PDSS2: variants seen among roughly 807,000 people sequenced by gnomAD.
The protein encoded by PDSS2 is all trans-polyprenyl-diphosphate synthase PDSS2.
PDSS2 carries 31 observed loss-of-function variants against 44.5 expected under a neutral mutation model. The ratio of observed to expected loss-of-function variants is 0.70; its 90% CI spans 0.52 to 0.94. PDSS2 has a LOEUF of 0.94. Among genes scored for constraint, PDSS2 ranks in the 40% least tolerant of loss-of-function variants. The pLI is 0.00. For missense variants in PDSS2, 452 were observed against 482.2 expected, an observed-to-expected ratio of 0.94 and a Z score of 0.59; for synonymous variants, 157 against 180.3, an observed-to-expected ratio of 0.87 and a Z score of 1.03.
chr6:107,214,435 T>C (rs1203106334), intron 4 of PDSS2, among the ~76,000 whole-genome samples: 1 of 152,216 alleles, frequency 6.6e-6, no homozygotes, highest in African/African-American at 2.4e-5. Context: ...CTGTGCATTT[T>C]ATACTTACAA....
chr6:107,311,899 G>A (rs1467967751), intron 2 of PDSS2, among the ~76,000 whole-genome samples: 2 of 152,198 alleles, frequency 1.3e-5, no homozygotes, highest in East Asian at 3.8e-4. Flanking sequence ...TCTGTGCTCA[G>A]TACACAGTAA....
chr6:107,317,469 G>A (rs80240356), intron 2 of PDSS2, among the ~76,000 whole-genome samples: 1 of 152,124 alleles, frequency 6.6e-6, no homozygotes, highest in Admixed American at 6.5e-5. Flanking sequence ...CAGAAATAAA[G>A]GCTTCTTCTG....
In PDSS2 at chr6:107,193,808, TA is replaced by T; in HGVS notation, c.1041+13del. ...AATGTGTAAAATAGTACAGTATGTA[TA>T]AAATCTGCCTACCTTAGCATAGTCC... On this transcript the variant is annotated intron_variant, in intron 7 of 7. Coordinates refer to ENST00000369037, the MANE Select transcript of PDSS2 (RefSeq NM_020381.4). The T allele has an allele frequency of 1.3e-6, 2 of 1,487,664 alleles. No homozygotes were observed. Among genetic ancestry groups the T allele is most frequent in the Non-Finnish European group, 1.9e-6 (2 of 1,064,436 alleles). The allele number at this position is 1,487,664 out of a possible 1,614,324, so 92.2% of individuals were successfully genotyped here.
intron 1 of PDSS2, among the ~76,000 whole-genome samples, chr6:107,389,039 T>G (rs1214286327): frequency 6.6e-6 from 1 of 152,166 alleles, no homozygotes. Context: ...AAGTAAGGAA[T>G]AGAAAACATC....
At chr6:107,369,538 C>T (rs75678818) in intron 1 of PDSS2, among the ~76,000 whole-genome samples, 3,415 of 152,082 alleles carry the variant, frequency 0.022, 108 homozygotes, top group East Asian at 0.13. Context: ...ATTATAAATC[C>T]TCTAGAAAAA....
chr6:107,192,915 G>T (rs902196741), intron 7 of PDSS2, among the ~76,000 whole-genome samples: 1 of 152,164 alleles, frequency 6.6e-6, no homozygotes, highest in Non-Finnish European at 1.5e-5. Flanking sequence ...GCCCTTGAGG[G>T]TTTTGGTTGT....
intron 1 of PDSS2, among the ~76,000 whole-genome samples, chr6:107,433,270 A>C (rs1323331692): frequency 6.6e-6 from 1 of 151,250 alleles, no homozygotes; most frequent in Non-Finnish European, 1.5e-5. Context: ...AAAAAAAAAA[A>C]CCCTAAAATT....
At chr6:107,314,644 C>T (rs1355406782) in intron 2 of PDSS2, among the ~76,000 whole-genome samples, 1 of 152,208 alleles carries the variant, frequency 6.6e-6, no homozygotes, top group Non-Finnish European at 1.5e-5. Flanking sequence ...ACAGTGGCAG[C>T]ATTAGCAATT....
intron 2 of PDSS2, among the ~76,000 whole-genome samples, chr6:107,306,975 A>G (rs1776879826): frequency 6.6e-6 from 1 of 152,224 alleles, no homozygotes. Flanking sequence ...AGACCACATT[A>G]CTTTTGGTTG....
chr6:107,275,114 C>T (rs1191558307), intron 2 of PDSS2, among the ~76,000 whole-genome samples: 1 of 152,078 alleles, frequency 6.6e-6, no homozygotes, highest in Admixed American at 6.6e-5. Context: ...ATAGAGAAGG[C>T]CCCTGAGGAG....
At chr6:107,335,555 A>T (rs1777859874) in intron 1 of PDSS2, among the ~76,000 whole-genome samples, 2 of 152,236 alleles carry the variant, frequency 1.3e-5, no homozygotes, top group Admixed American at 6.5e-5. Context: ...ATTCTAGGCA[A>T]CAACAAGGCT....
chr6:107,428,750 T>A (rs1354415816), intron 1 of PDSS2, among the ~76,000 whole-genome samples: 1 of 152,036 alleles, frequency 6.6e-6, no homozygotes, highest in African/African-American at 2.4e-5. Context: ...GGTGGGAGTA[T>A]TGCTTGAGCT....
chr6:107,212,974 C>T (rs767836148), intron 4 of PDSS2, among the ~76,000 whole-genome samples: 5 of 152,020 alleles, frequency 3.3e-5, no homozygotes, highest in African/African-American at 4.8e-5. Flanking sequence ...CACTGCACTA[C>T]AGCCAGGATG....
chr6:107,328,775 A>G lies in PDSS2; in HGVS notation c.431+5423T>C, dbSNP rs574340375. On this transcript the variant is annotated intron_variant, in intron 2 of 7. Coordinates refer to ENST00000369037, the MANE Select transcript of PDSS2 (RefSeq NM_020381.4). The stretch of plus-strand genomic sequence containing the variant: ...CATAAATCCGTACCTAACTCCTAAG[A>G]ATTCTCAAATGAAGGAATCTCTCTA... 5.3e-5 allele frequency among the ~76,000 whole-genome samples: 8 copies of G among 152,340 alleles called. No individual in the cohort carries two copies. The East Asian group carries it at 1.5e-3, about 29-fold the overall frequency.
At chr6:107,430,109 A>G (rs1781146860) in intron 1 of PDSS2, among the ~76,000 whole-genome samples, 1 of 151,436 alleles carries the variant, frequency 6.6e-6, no homozygotes, top group African/African-American at 2.4e-5. Flanking sequence ...CCTATTTTCT[A>G]TTTTGTGGGG....
chr6:107,364,023 T>TC (rs1182003346), intron 1 of PDSS2, among the ~76,000 whole-genome samples: 1 of 152,176 alleles, frequency 6.6e-6, no homozygotes, highest in Non-Finnish European at 1.5e-5. Flanking sequence ...ATAAAGGTTC[T>TC]CCACGTCCTC....
chr6:107,384,657 C>A (rs2448081), intron 1 of PDSS2, among the ~76,000 whole-genome samples: 144,560 of 150,316 alleles, frequency 0.96, 69,753 homozygotes, highest in East Asian at 1. Flanking sequence ...CAAAAAAAAA[C>A]ACAAAAAAAC....
intron 2 of PDSS2, among the ~76,000 whole-genome samples, chr6:107,277,970 G>GAATAAATAAAATAAATAAATA (rs1775841370): frequency 4.7e-5 from 7 of 150,212 alleles, no homozygotes; most frequent in Admixed American, 4.7e-4. Flanking sequence ...AAAAATAAAT[G>GAATAAATAAAATAAATAAATA]AATAAATAAA....
At chr6:107,294,199 T>C (rs1457864774) in intron 2 of PDSS2, among the ~76,000 whole-genome samples, 1 of 151,848 alleles carries the variant, frequency 6.6e-6, no homozygotes, top group East Asian at 1.9e-4. Flanking sequence ...GAAGGTAAGG[T>C]GGGAATAAAG....
Sources: gnomAD v4.1 joint callset for allele counts (sites outside exome capture counted in the v4.1 genomes callset) on GRCh38, gnomAD v4.1.1 for gene constraint, MANE v1.5 for transcripts, NCBI Gene and HGNC (gene_info 2026-07-23, HGNC 2026-07-21) for gene names.